Variants in ANKHD1 observed in about 807,000 individuals in gnomAD.
The protein encoded by ANKHD1 is ankyrin repeat and KH domain containing 1, also known as ankyrin repeat and KH domain-containing protein 1.
In ANKHD1, 31 loss-of-function variants were observed where a neutral mutation model predicts 230.5. That is an observed-to-expected ratio of 0.13 (90% CI 0.10 to 0.18). The LOEUF (loss-of-function observed/expected upper bound fraction) is 0.18, where lower values mean the gene tolerates loss of function less well. Ranked by LOEUF, ANKHD1 falls within the 10% of genes least tolerant of loss-of-function variation. The probability of loss-of-function intolerance (pLI) is 1.00; values close to 1 mark genes in which losing one functional copy is unlikely to be tolerated. For synonymous variants in ANKHD1, 1,074 were observed against 1,117.6 expected (o/e 0.96, Z 0.78); for missense variants, 2,256 against 3,071.3 (o/e 0.73, Z 6.27).
rs775152140 is a variant in ANKHD1 at position 140,496,926 on chromosome 5, A to G, written c.2652A>G (p.Gly884=). 9 of 1,614,192 alleles carry G rather than the reference A, an allele frequency of 5.6e-6. No individual in the cohort carries two copies. In the South Asian group the frequency reaches 9.9e-5, roughly 18 times the overall value. Reference sequence around the variant, plus strand: ...GAGGAGTCTTCCCAGAAGGGGAAGGAGATGGTAGTCTCCCAGAGGATCACT... The same window carrying G: ...GAGGAGTCTTCCCAGAAGGGGAAGGGGATGGTAGTCTCCCAGAGGATCACT... ...SHRGVFPEGE[G]DGSLPEDHFS... The change falls in exon 15 of 34, where the codon GGA becomes GGG. Residue 884 remains glycine, a synonymous_variant. Transcript: ENST00000360839.
At chr5:140,464,645 T>C (rs753704732) in intron 9 of ANKHD1, 22 bp from the exon 10 acceptor site, 1 of 1,522,516 alleles carries the variant, frequency 6.6e-7, no homozygotes, top group South Asian at 1.3e-5. Flanking sequence ...ACAAAGTAAA[T>C]GTATGCTTTT....
chr5:140,463,746 A>G (rs912324845), intron 9 of ANKHD1, among the ~76,000 whole-genome samples: 1 of 151,912 alleles, frequency 6.6e-6, no homozygotes, highest in African/African-American at 2.4e-5. Flanking sequence ...ACCTCCGCCT[A>G]CTGGGCTCAA....
At chr5:140,529,914 T>G (rs1231364954) in intron 29 of ANKHD1, 118 bp downstream of exon 29, 17 of 1,416,520 alleles carry the variant, frequency 1.2e-5, no homozygotes, top group African/African-American at 1.4e-5. Context: ...CTGCTTTAGA[T>G]TCTCTCTATG....
At chr5:140,509,834 GTAGAA>G in intron 21 of ANKHD1, 22 bp downstream of exon 21, 1 of 1,590,322 alleles carries the variant, frequency 6.3e-7, no homozygotes, top group East Asian at 2.2e-5. Flanking sequence ...TCTATTATAT[GTAGAA>G]CTTCTCATGG....
intron 14 of ANKHD1, among the ~76,000 whole-genome samples, chr5:140,489,630 G>C (rs1751680244): frequency 3.9e-5 from 6 of 152,116 alleles, no homozygotes. Context: ...GATTTTTTAA[G>C]TTTATACTCT....
intron 6 of ANKHD1, among the ~76,000 whole-genome samples, chr5:140,447,633 A>G (rs1415208400): frequency 1.3e-5 from 2 of 152,228 alleles, no homozygotes; most frequent in East Asian, 3.8e-4. Context: ...GAGAAATTCA[A>G]AGGTAAGCCG....
At chr5:140,467,362 A>G (rs930355094) in intron 10 of ANKHD1, among the ~76,000 whole-genome samples, 30 of 152,000 alleles carry the variant, frequency 2.0e-4, no homozygotes, top group Non-Finnish European at 3.2e-4. Flanking sequence ...TGCTTTTGCT[A>G]TTTGTGGACT....
At chr5:140,530,640 G>A (rs1485815264) in intron 29 of ANKHD1, among the ~76,000 whole-genome samples, 1 of 152,206 alleles carries the variant, frequency 6.6e-6, no homozygotes, top group Non-Finnish European at 1.5e-5. Flanking sequence ...GAAATATATA[G>A]ACAGATCTGA....
Position 140,537,195 on chromosome 5 carries a change from T to C in ANKHD1, c.7028-194T>C, listed in dbSNP as rs887120317. On this transcript the variant is annotated intron_variant, in intron 30 of 33. Coordinates refer to ENST00000360839, the MANE Select transcript of ANKHD1 (RefSeq NM_017747.3). Reference sequence around the variant, plus strand: ...TCGTGTAGGATAATGTCTATAGAAATTATGTTTTATTTGAATGTTCTTTTA... The same window carrying C: ...TCGTGTAGGATAATGTCTATAGAAACTATGTTTTATTTGAATGTTCTTTTA... 4.9e-5 allele frequency: 49 copies of C among 991,942 alleles called. 1 individual carries two copies. Among genetic ancestry groups the C allele is most frequent in the Non-Finnish European group, 6.6e-5 (48 of 724,262 alleles). 61.4% of individuals were successfully genotyped at this position (991,942 alleles called of 1,614,324 possible).
chr5:140,492,863 T>C (rs539380839), intron 14 of ANKHD1, among the ~76,000 whole-genome samples: 1 of 152,266 alleles, frequency 6.6e-6, no homozygotes, highest in Admixed American at 6.5e-5. Flanking sequence ...TTAAGCTCAA[T>C]CCAATAAAAA....
At chr5:140,402,666 C>T (rs1770060651) in intron 1 of ANKHD1, among the ~76,000 whole-genome samples, 2 of 152,234 alleles carry the variant, frequency 1.3e-5, no homozygotes, top group Admixed American at 6.5e-5. Flanking sequence ...GATCGTTTCT[C>T]TTCTTTGCCT....
intron 1 of ANKHD1, among the ~76,000 whole-genome samples, chr5:140,413,423 A>C (rs72798867): frequency 0.2 from 29,693 of 152,098 alleles, 3,377 homozygotes; most frequent in East Asian, 0.29. Flanking sequence ...TTGTTGTGCA[A>C]CCTTCACCAT....
At chr5:140,446,834 CTACT>C (rs1338434936) in intron 6 of ANKHD1, among the ~76,000 whole-genome samples, 3 of 152,082 alleles carry the variant, frequency 2.0e-5, no homozygotes, top group African/African-American at 7.2e-5. Flanking sequence ...GTTTTATAAT[CTACT>C]TATTTTACTT....
At chr5:140,538,800 T>A in intron 32 of ANKHD1, 119 bp from the exon 33 acceptor site, 2 of 1,183,178 alleles carry the variant, frequency 1.7e-6, no homozygotes, top group African/African-American at 1.6e-5. Flanking sequence ...ACTTATAGGA[T>A]CTTTTGGAGT....
chr5:140,457,600 A>G (rs1485025080), intron 7 of ANKHD1, among the ~76,000 whole-genome samples: 1 of 152,158 alleles, frequency 6.6e-6, no homozygotes, highest in African/African-American at 2.4e-5. Flanking sequence ...AAACTATCAC[A>G]AGAACAAAAA....
At chr5:140,497,339 A>G in intron 15 of ANKHD1, 61 bp downstream of exon 15, 1 of 1,513,838 alleles carries the variant, frequency 6.6e-7, no homozygotes, top group Non-Finnish European at 8.8e-7. Flanking sequence ...ACTTCTTTAT[A>G]TACCCCTCCA....
At chr5:140,442,963 T>C (rs1434569318) in intron 5 of ANKHD1, among the ~76,000 whole-genome samples, 1 of 151,936 alleles carries the variant, frequency 6.6e-6, no homozygotes, top group Non-Finnish European at 1.5e-5. Context: ...TGGAGTGCAG[T>C]GGTGCGATCT....
intron 14 of ANKHD1, among the ~76,000 whole-genome samples, chr5:140,491,538 T>C (rs1033373146): frequency 6.6e-6 from 1 of 152,268 alleles, no homozygotes; most frequent in Admixed American, 6.5e-5. Context: ...CTTTGTTTAC[T>C]CAGTACTGTT....
At chr5:140,479,726 A>G (rs1285589738) in intron 10 of ANKHD1, among the ~76,000 whole-genome samples, 1 of 91,016 alleles carries the variant, frequency 1.1e-5, no homozygotes, top group Non-Finnish European at 2.5e-5. Flanking sequence ...TTATATACAT[A>G]CATAGGTATA....
Sources: gnomAD v4.1 joint callset for allele counts (sites outside exome capture counted in the v4.1 genomes callset) on GRCh38, gnomAD v4.1.1 for gene constraint, MANE v1.5 for transcripts, NCBI Gene and HGNC (gene_info 2026-07-23, HGNC 2026-07-21) for gene names.